APBA2: variants seen among roughly 807,000 people sequenced by gnomAD.
APBA2 encodes amyloid beta precursor protein binding family A member 2.
Under a neutral mutation model 75.0 loss-of-function variants are expected in APBA2, and 30 were observed. The ratio of observed to expected loss-of-function variants is 0.40; its 90% confidence interval spans 0.30 to 0.54. The LOEUF (loss-of-function observed/expected upper bound fraction) is 0.54. APBA2 is among the 20% of genes least tolerant of loss of function. The pLI is 0.49. For synonymous variants in APBA2, 444 were observed against 409.6 expected, an observed-to-expected ratio of 1.08 and a Z score of -1.01; for missense variants, 801 against 1,016.1, an observed-to-expected ratio of 0.79 and a Z score of 2.88.
At chr15:28,906,429 T>A (rs977908575) in intron 1 of APBA2, among the ~76,000 whole-genome samples, 5 of 152,234 alleles carry the variant, frequency 3.3e-5, no homozygotes, top group African/African-American at 9.6e-5. Context: ...TTCTCACTTA[T>A]GGAAAATGCT....
At chr15:29,113,731 T>A (rs1490757077) in intron 13 of APBA2, 145 bp from the exon 14 acceptor site, 4 of 1,007,402 alleles carry the variant, frequency 4.0e-6, no homozygotes, top group Non-Finnish European at 5.9e-6. Context: ...ATCATAAGGA[T>A]CTCTGTCTGT....
chr15:28,991,868 A>G lies in APBA2; in HGVS notation c.-94-3885A>G, dbSNP rs966139966. 5.3e-5 allele frequency among the ~76,000 whole-genome samples: 8 copies of G among 152,180 alleles called. No homozygotes were observed. The highest frequency in any genetic ancestry group is 1.2e-4 in the Non-Finnish European group (8 of 68,032). On this transcript the variant is annotated intron_variant, in intron 2 of 14. Coordinates refer to ENST00000683413, the MANE Select transcript of APBA2 (RefSeq NM_001353788.2). This position sits in a 1 kb window ranked among gnomAD's most constrained non-coding sequence, Gnocchi z 4.7. ...TCCACTTGCTCTACAACCCAGGCAC[A>G]GTGCACCAGAGTTTCCCAAACCTGT...
chr15:29,095,863 C>A (rs2043825207), intron 8 of APBA2, among the ~76,000 whole-genome samples: 1 of 152,198 alleles, frequency 6.6e-6, no homozygotes, highest in South Asian at 2.1e-4. Context: ...TGCAGACTTG[C>A]AGTTGGGGTG....
At chr15:28,940,273 G>A (rs2035120222) in intron 2 of APBA2, among the ~76,000 whole-genome samples, 3 of 149,600 alleles carry the variant, frequency 2.0e-5, no homozygotes, top group Non-Finnish European at 3.0e-5. Context: ...AGCACTTTGG[G>A]AGGCCGAGGC....
At chr15:29,051,561 A>T (rs1313111547) in intron 3 of APBA2, among the ~76,000 whole-genome samples, 1 of 152,038 alleles carries the variant, frequency 6.6e-6, no homozygotes, top group Non-Finnish European at 1.5e-5. Context: ...TTGTGCCCAC[A>T]CTCTGAGTGT....
rs545289850 is a variant in APBA2 at position 28,969,628 on chromosome 15, C to T, written c.-94-26125C>T. On this transcript the variant is annotated intron_variant, in intron 2 of 14. Coordinates refer to ENST00000683413, the MANE Select transcript of APBA2 (RefSeq NM_001353788.2). Reference sequence around the variant, plus strand: ...TGTGTCACATGTGACTGTCAGTTCCCGACCCCTCGGCCGAGCAGAAAGGGC... The same window carrying T: ...TGTGTCACATGTGACTGTCAGTTCCTGACCCCTCGGCCGAGCAGAAAGGGC... Among the ~76,000 whole-genome samples the T allele has an allele frequency of 3.3e-5, 5 of 152,260 alleles. No individual in the cohort carries two copies. The East Asian group carries it at 5.8e-4, about 18-fold the overall frequency.
chr15:29,003,817 C>T (rs2038974070), intron 3 of APBA2, among the ~76,000 whole-genome samples: 1 of 152,232 alleles, frequency 6.6e-6, no homozygotes, highest in Non-Finnish European at 1.5e-5. Context: ...TTAAGGTCTC[C>T]TGACAAATTG....
chr15:28,976,164 C>G (rs1286587453), intron 2 of APBA2, among the ~76,000 whole-genome samples: 1 of 152,194 alleles, frequency 6.6e-6, no homozygotes, highest in Admixed American at 6.5e-5. Context: ...TGGCAGCCCT[C>G]TGGAAATGAC....
intron 2 of APBA2, among the ~76,000 whole-genome samples, chr15:28,976,305 G>A (rs1183870672): frequency 6.6e-6 from 1 of 152,168 alleles, no homozygotes; most frequent in Non-Finnish European, 1.5e-5. Flanking sequence ...TTCATCCATT[G>A]CAATCTTCAT....
chr15:28,893,443 C>T (rs1423145638), intron 1 of APBA2, among the ~76,000 whole-genome samples: 5 of 152,146 alleles, frequency 3.3e-5, no homozygotes, highest in African/African-American at 1.2e-4. Context: ...CGATTTTGGC[C>T]GCAGGTCCCT....
intron 2 of APBA2, among the ~76,000 whole-genome samples, chr15:28,964,315 A>G (rs1483191352): frequency 6.6e-6 from 1 of 152,138 alleles, no homozygotes; most frequent in Non-Finnish European, 1.5e-5. Flanking sequence ...CCTTGCCAGC[A>G]TTTGGTGTTA....
chr15:29,040,675 G>A (rs1271965793), intron 3 of APBA2, among the ~76,000 whole-genome samples: 2 of 152,182 alleles, frequency 1.3e-5, no homozygotes, highest in African/African-American at 4.8e-5. Flanking sequence ...ATCGTCTGAT[G>A]AAGCAGACAC....
At chr15:28,996,954 A>G (rs1387152058) in intron 3 of APBA2, among the ~76,000 whole-genome samples, 1 of 152,218 alleles carries the variant, frequency 6.6e-6, no homozygotes, top group Non-Finnish European at 1.5e-5. Flanking sequence ...GTCAAGACTC[A>G]GGTTCAGAAT....
intron 12 of APBA2, among the ~76,000 whole-genome samples, chr15:29,107,577 C>T (rs1362379919): frequency 2.0e-5 from 3 of 152,286 alleles, no homozygotes; most frequent in South Asian, 4.1e-4. Flanking sequence ...GACTGGCTCT[C>T]GGAGCTGGCC....
chr15:28,926,966 C>T (rs559832880), intron 2 of APBA2, among the ~76,000 whole-genome samples: 35 of 151,496 alleles, frequency 2.3e-4, no homozygotes, highest in East Asian at 2.0e-4. Flanking sequence ...ATGCCATTCT[C>T]CTGCCTCAGC....
intron 3 of APBA2, among the ~76,000 whole-genome samples, chr15:29,021,541 C>T (rs67628073): frequency 0.085 from 12,933 of 152,070 alleles, 867 homozygotes; most frequent in East Asian, 0.22. Flanking sequence ...GAGTTTAGAG[C>T]GAAGCCAACC....
chr15:28,887,283 C>G (rs898646707), intron 1 of APBA2, among the ~76,000 whole-genome samples: 8 of 152,226 alleles, frequency 5.3e-5, no homozygotes, highest in African/African-American at 1.9e-4. Flanking sequence ...TGCCTCTGGC[C>G]TCTTCAACCT....
intron 8 of APBA2, among the ~76,000 whole-genome samples, chr15:29,096,321 C>T (rs1405325393): frequency 6.6e-6 from 1 of 152,170 alleles, no homozygotes; most frequent in Non-Finnish European, 1.5e-5. Context: ...GATGGGTTTT[C>T]CACTGGAGGC....
chr15:29,114,225 C>G (rs1188814127), intron 14 of APBA2, among the ~76,000 whole-genome samples: 1 of 152,202 alleles, frequency 6.6e-6, no homozygotes, highest in Admixed American at 6.5e-5. Context: ...ACCGGGAGGG[C>G]ACAGGCTGCT....
Sources: allele counts gnomAD v4.1 joint callset (sites outside exome capture counted in the v4.1 genomes callset), GRCh38; gene constraint gnomAD v4.1.1; non-coding constraint Gnocchi (gnomAD v3.1); transcripts MANE v1.5; gene names NCBI Gene and HGNC (gene_info 2026-07-23, HGNC 2026-07-21).